Variants in SEMA3D observed in about 807,000 individuals in gnomAD.
The protein encoded by SEMA3D is semaphorin-3D.
SEMA3D carries 84 observed loss-of-function variants against 100.1 expected under a neutral mutation model. That is an observed-to-expected ratio of 0.84 (90% CI 0.70 to 1.01). The LOEUF is 1.01. SEMA3D is among the 50% of genes least tolerant of loss of function. The probability of loss-of-function intolerance (pLI) is 0.00; values close to 1 mark genes in which losing one functional copy is unlikely to be tolerated. For synonymous variants in SEMA3D, 312 were observed against 320.7 expected (o/e 0.97, Z 0.29); for missense variants, 875 against 934.1 (o/e 0.94, Z 0.82).
intron 2 of SEMA3D, among the ~76,000 whole-genome samples, chr7:85,134,498 A>G (rs1789804474): frequency 1.3e-5 from 2 of 152,074 alleles, no homozygotes; most frequent in Admixed American, 6.6e-5. Context: ...ACAGTTTAAA[A>G]TATATTTCCA....
Position 85,055,804 on chromosome 7 carries a change from A to G in SEMA3D, c.774T>C (p.Asp258=), listed in dbSNP as rs34801275. 3.3e-3 allele frequency: 5,207 copies of G among 1,576,092 alleles called. 152 individuals are homozygous for G. In the African/African-American group the frequency reaches 0.06, roughly 18 times the overall value. Residue 258 remains aspartate, a synonymous_variant, in exon 9 of 19, where the codon GAT becomes GAC. Coordinates refer to ENST00000284136, the MANE Select transcript of SEMA3D (RefSeq NM_001384900.1). ...FIPDTYNPDD[D]KIYFFFRESS... ...ATTCACGAAAGAAGAAATATATTTT[A>G]TCATCATCTGGATTGTAGGTGTCTG...
chr7:85,112,699 A>G (rs1337345724), intron 3 of SEMA3D, among the ~76,000 whole-genome samples: 1 of 152,142 alleles, frequency 6.6e-6, no homozygotes, highest in East Asian at 1.9e-4. Context: ...AATGGGTATA[A>G]AAACAATGTT....
Position 84,998,487 on chromosome 7 carries a change from C to T in SEMA3D, c.*953G>A, listed in dbSNP as rs1286504070. 6.6e-6 allele frequency: 1 copy of T among 151,984 alleles called. No individual in the cohort carries two copies. The highest frequency in any genetic ancestry group is 2.4e-5 in the African/African-American group (1 of 41,386). The allele number at this position is 151,984 out of a possible 1,614,324, so 9.4% of individuals were successfully genotyped here. ...TTACAAATTGGCAGCTACTTATACCCTAGTGAAAAGAGCTCCATTACATTA... is the reference window on the plus strand; with the variant it reads ...TTACAAATTGGCAGCTACTTATACCTTAGTGAAAAGAGCTCCATTACATTA... On this transcript the variant is annotated 3_prime_UTR_variant, in exon 19 of 19. Transcript: ENST00000284136.
chr7:85,137,020 C>T (rs1326416792), intron 2 of SEMA3D, among the ~76,000 whole-genome samples: 3 of 152,000 alleles, frequency 2.0e-5, no homozygotes, highest in Admixed American at 6.6e-5. Context: ...TTTAGCCAAG[C>T]AAAGTGTCTA....
chr7:85,146,382 C>T (rs950360715), intron 2 of SEMA3D, among the ~76,000 whole-genome samples: 2 of 151,684 alleles, frequency 1.3e-5, no homozygotes, highest in African/African-American at 2.4e-5. Context: ...TGGTGAAACC[C>T]CATCTCTACT....
chr7:85,128,297 A>G (rs1348846080), intron 2 of SEMA3D, among the ~76,000 whole-genome samples: 1 of 151,860 alleles, frequency 6.6e-6, no homozygotes, highest in Non-Finnish European at 1.5e-5. Flanking sequence ...CCTCCTGAGT[A>G]GCTGGGATTA....
At chr7:85,249,972 AG>A in the SEMA3D span, among the ~76,000 whole-genome samples, 1 of 152,134 alleles carries the variant, frequency 6.6e-6, no homozygotes, top group Middle Eastern at 3.2e-3. Context: ...TCATCTCACT[AG>A]GAAGTGCCAG....
chr7:85,142,941 T>C (rs1022451167), intron 2 of SEMA3D: 1 of 985,206 alleles, frequency 1.0e-6, no homozygotes, highest in African/African-American at 1.7e-5. Context: ...GACAATGCCA[T>C]CTTAGTTAGG....
intron 18 of SEMA3D, among the ~76,000 whole-genome samples, chr7:85,001,611 AC>A (rs1232981945): frequency 6.6e-6 from 1 of 152,064 alleles, no homozygotes; most frequent in Non-Finnish European, 1.5e-5. Flanking sequence ...TAGCTTCATA[AC>A]CTAACCTTCT....
chr7:85,192,915 C>T, the SEMA3D span, among the ~76,000 whole-genome samples: 1 of 152,014 alleles, frequency 6.6e-6, no homozygotes, highest in Non-Finnish European at 1.5e-5. Context: ...TCTATGATAA[C>T]CCATTTATTT....
At chr7:85,135,504 G>A (rs1789834687) in intron 2 of SEMA3D, among the ~76,000 whole-genome samples, 2 of 151,746 alleles carry the variant, frequency 1.3e-5, no homozygotes, top group African/African-American at 2.4e-5. Context: ...GGGGCCTGTC[G>A]TGAGGTGGGG....
chr7:85,064,516 C>T (rs1246861955), intron 8 of SEMA3D, among the ~76,000 whole-genome samples: 2 of 151,914 alleles, frequency 1.3e-5, no homozygotes, highest in Non-Finnish European at 2.9e-5. Context: ...AGTGTTTTTC[C>T]TTTTGTTTAT....
At chr7:85,160,844 G>T (rs918737583) in intron 1 of SEMA3D, among the ~76,000 whole-genome samples, 1 of 152,146 alleles carries the variant, frequency 6.6e-6, no homozygotes, top group Non-Finnish European at 1.5e-5. Flanking sequence ...ACCAGTAAAA[G>T]ATATCAAAAC....
the SEMA3D span, among the ~76,000 whole-genome samples, chr7:85,245,120 AC>A: frequency 6.6e-6 from 1 of 152,214 alleles, no homozygotes; most frequent in Non-Finnish European, 1.5e-5. Context: ...TATGTATGGC[AC>A]ATTAAGATCC....
At chr7:85,223,603 TG>T in the SEMA3D span, among the ~76,000 whole-genome samples, 2 of 151,800 alleles carry the variant, frequency 1.3e-5, no homozygotes, top group Admixed American at 1.3e-4. Context: ...GACAAAATAA[TG>T]GCATTAACAG....
chr7:85,006,715 G>C (rs1291851746), intron 18 of SEMA3D, 87 bp downstream of exon 18: 12 of 1,049,404 alleles, frequency 1.1e-5, no homozygotes, highest in Admixed American at 8.0e-5. Flanking sequence ...ATAATGATGA[G>C]AGTAGCATAC....
intron 1 of SEMA3D, among the ~76,000 whole-genome samples, chr7:85,180,469 T>C (rs1791370162): frequency 6.6e-6 from 1 of 152,212 alleles, no homozygotes; most frequent in South Asian, 2.1e-4. Context: ...ATTAATCTTA[T>C]TGACACCAGA....
At chr7:85,173,835 T>TC (rs1338073778) in intron 1 of SEMA3D, among the ~76,000 whole-genome samples, 1 of 152,148 alleles carries the variant, frequency 6.6e-6, no homozygotes, top group Non-Finnish European at 1.5e-5. Flanking sequence ...AGAGCTAGTA[T>TC]CTGGACCCAG....
the SEMA3D span, among the ~76,000 whole-genome samples, chr7:85,207,923 C>G: frequency 6.6e-6 from 1 of 152,034 alleles, no homozygotes; most frequent in South Asian, 2.1e-4. Flanking sequence ...GCCTTACTAT[C>G]TGTAATGCAC....
Sources: allele counts gnomAD v4.1 joint callset (sites outside exome capture counted in the v4.1 genomes callset), GRCh38; gene constraint gnomAD v4.1.1; transcripts MANE v1.5; gene names NCBI Gene and HGNC (gene_info 2026-07-23, HGNC 2026-07-21).